DIS3L2: variants seen among roughly 807,000 people sequenced by gnomAD.
The protein encoded by DIS3L2 is DIS3 like 3'-5' exoribonuclease 2.
In DIS3L2, 34 loss-of-function variants were observed where a neutral mutation model predicts 97.5. The ratio of observed to expected loss-of-function variants is 0.35; its 90% CI spans 0.27 to 0.46. DIS3L2 has a LOEUF of 0.46. DIS3L2 is among the 20% of genes least tolerant of loss of function. The pLI, the probability that DIS3L2 is intolerant of heterozygous loss-of-function variation, is 1.00. For synonymous variants in DIS3L2, 435 were observed against 445.2 expected, an observed-to-expected ratio of 0.98 and a Z score of 0.29; for missense variants, 1,038 against 1,146.0, an observed-to-expected ratio of 0.91 and a Z score of 1.36.
chr2:232,176,878 A>G (rs1691179743), intron 9 of DIS3L2, among the ~76,000 whole-genome samples: 1 of 149,534 alleles, frequency 6.7e-6, no homozygotes, highest in Non-Finnish European at 1.5e-5. Flanking sequence ...ATATGTATAC[A>G]TGTGCCATGC....
chr2:232,262,203 C>CT (rs1292207807), intron 12 of DIS3L2, among the ~76,000 whole-genome samples: 1 of 151,894 alleles, frequency 6.6e-6, no homozygotes, highest in Non-Finnish European at 1.5e-5. Context: ...CCCAACCGCC[C>CT]TTTCTTCCAT....
intron 14 of DIS3L2, among the ~76,000 whole-genome samples, chr2:232,326,989 T>C (rs1447097145): frequency 6.6e-6 from 1 of 152,146 alleles, no homozygotes; most frequent in African/African-American, 2.4e-5. Context: ...TGGCAGGGGC[T>C]TCCACAGCGG....
intron 6 of DIS3L2, among the ~76,000 whole-genome samples, chr2:232,105,972 A>G (rs1005393648): frequency 2.0e-5 from 3 of 152,064 alleles, no homozygotes; most frequent in East Asian, 3.9e-4. Flanking sequence ...GGGCTTTTTT[A>G]TAATTCATTT....
rs1475928845 is a variant in DIS3L2, at chr2:232,263,265, A to G, written c.1484A>G (p.Glu495Gly). Reference sequence around the variant, plus strand: ...CGCTCCTGCACCAAACTTAGCTACGAGCATGCACAGAGCATGATTGAAAGC... The same window carrying G: ...CGCTCCTGCACCAAACTTAGCTACGGGCATGCACAGAGCATGATTGAAAGC... ...IIRSCTKLSY[E>G]HAQSMIESPT... Residue 495 changes from glutamate to glycine, a missense_variant, in exon 13 of 21, where the codon GAG (glutamate) becomes GGG (glycine). This residue lies in a region of DIS3L2 where 813 missense variants were observed against 880.1 expected (regional missense o/e 0.92). Coordinates refer to ENST00000325385, the MANE Select transcript of DIS3L2 (RefSeq NM_152383.5). The G allele has an allele frequency of 6.2e-7, 1 of 1,614,208 alleles. No homozygotes were observed. Among genetic ancestry groups the G allele is most frequent in the South Asian group, 1.1e-5 (1 of 91,086 alleles).
chr2:232,174,213 A>G (rs1343634906), intron 9 of DIS3L2, among the ~76,000 whole-genome samples: 2 of 152,126 alleles, frequency 1.3e-5, no homozygotes, highest in Non-Finnish European at 2.9e-5. Context: ...TCTTAATTTC[A>G]TTTCCAAATT....
At chr2:232,291,040 C>G (rs569672310) in intron 13 of DIS3L2, among the ~76,000 whole-genome samples, 2 of 152,308 alleles carry the variant, frequency 1.3e-5, no homozygotes, top group Admixed American at 1.3e-4. Flanking sequence ...CAGGTCAGAA[C>G]CAGAGCTTGG....
intron 1 of DIS3L2, among the ~76,000 whole-genome samples, chr2:231,990,083 C>G (rs1262997695): frequency 6.6e-6 from 1 of 152,154 alleles, no homozygotes; most frequent in Non-Finnish European, 1.5e-5. Context: ...AAAAGAAACC[C>G]TTTGTGTTTT....
intron 8 of DIS3L2, among the ~76,000 whole-genome samples, chr2:232,142,921 C>T (rs1439978109): frequency 6.6e-6 from 1 of 152,156 alleles, no homozygotes; most frequent in Non-Finnish European, 1.5e-5. Flanking sequence ...TATCTGTTTG[C>T]ATGGAGTTTC....
chr2:231,988,151 T>C lies in DIS3L2; in HGVS notation c.-94+26386T>C, dbSNP rs544989993. Among the ~76,000 whole-genome samples, 197 of 152,342 alleles carry C rather than the reference T, an allele frequency of 1.3e-3. 1 individual carries two copies. The highest frequency in any genetic ancestry group is 2.0e-3 in the Non-Finnish European group (133 of 68,022). On this transcript the variant is annotated intron_variant, in intron 1 of 20. Transcript: ENST00000325385. ...AGCCACCGCACCTGGCCTATTTTTC[T>C]TAGATTGTTTTCTCTGCTGTCTACC...
intron 3 of DIS3L2, 200 bp downstream of exon 3, chr2:232,015,871 A>G (rs753700148): frequency 2.1e-6 from 1 of 473,330 alleles, no homozygotes; most frequent in Non-Finnish European, 3.6e-6. Context: ...AATAAGCACC[A>G]CAAGACAGGA....
chr2:232,107,073 A>G (rs1034577466), intron 6 of DIS3L2, among the ~76,000 whole-genome samples: 4 of 152,222 alleles, frequency 2.6e-5, no homozygotes, highest in African/African-American at 4.8e-5. Flanking sequence ...CAAAGATACA[A>G]TGATCCAGTA....
chr2:232,154,860 G>A (rs796473774), intron 8 of DIS3L2, among the ~76,000 whole-genome samples: 4 of 56,626 alleles, frequency 7.1e-5, no homozygotes, highest in African/African-American at 1.6e-4. Context: ...GCGAGATTCC[G>A]TGGGCGTAGG....
At chr2:232,215,642 C>T (rs548115464) in intron 10 of DIS3L2, among the ~76,000 whole-genome samples, 3 of 152,284 alleles carry the variant, frequency 2.0e-5, no homozygotes, top group Admixed American at 1.3e-4. Context: ...CTCTCTGGCT[C>T]CCCAAATGGC....
intron 5 of DIS3L2, among the ~76,000 whole-genome samples, chr2:232,083,023 A>G (rs1696450306): frequency 2.0e-5 from 3 of 152,210 alleles, no homozygotes; most frequent in South Asian, 4.1e-4. Context: ...CCATCAGATC[A>G]TGTGAGACTT....
chr2:232,261,246 G>C (rs922789084), intron 12 of DIS3L2, among the ~76,000 whole-genome samples: 5 of 152,084 alleles, frequency 3.3e-5, no homozygotes, highest in East Asian at 1.9e-4. Flanking sequence ...GGCTTCCTCT[G>C]TCCAGGATGG....
In DIS3L2 at chr2:232,329,821, A is replaced by AACAT; in HGVS notation, c.1748_1749insACAT (p.Glu584HisfsTer38). 2.2e-6 allele frequency: 1 copy of AACAT among 447,486 alleles called. No individual in the cohort carries two copies. Among genetic ancestry groups the AACAT allele is most frequent in the South Asian group, 1.9e-5 (1 of 53,336 alleles). 27.7% of individuals were successfully genotyped at this position (447,486 alleles called of 1,614,324 possible). A position where few individuals can be genotyped will look rare whatever the true frequency, so the allele number is the denominator to read the frequency against. On this transcript the variant is annotated frameshift_variant, in exon 15 of 21. Coordinates refer to ENST00000325385, the MANE Select transcript of DIS3L2 (RefSeq NM_152383.5). LOFTEE classifies it high-confidence loss of function. ...CCACCCACCCTCTGCAGGCTCGTGG[A>AACAT]GGAGTTCATGCTCTTGGCCAACATG...
At position 232,336,300 on chromosome 2, in the gene DIS3L2, C is replaced by T. The variant is rs781502944; in HGVS notation, c.2497-169C>T. The T allele has an allele frequency of 9.7e-6, 15 of 1,547,256 alleles. No individual in the cohort carries two copies. In the African/African-American group the frequency reaches 1.8e-4, roughly 18 times the overall value. On this transcript the variant is annotated intron_variant, in intron 20 of 20. Coordinates refer to ENST00000325385, the MANE Select transcript of DIS3L2 (RefSeq NM_152383.5). The stretch of plus-strand genomic sequence containing the variant: ...GATGCATCTGACTCCCCAACTCTGC[C>T]CTGACCCAGGGCATTCTTCCTGGAG...
At chr2:232,173,709 A>G (rs539481260) in intron 9 of DIS3L2, among the ~76,000 whole-genome samples, 296 of 152,254 alleles carry the variant, frequency 1.9e-3, no homozygotes, top group African/African-American at 6.7e-3. Flanking sequence ...TTTCTTCATG[A>G]AATTGTCTTG....
intron 6 of DIS3L2, among the ~76,000 whole-genome samples, chr2:232,113,087 C>T (rs11690476): frequency 0.011 from 1,716 of 152,118 alleles, 17 homozygotes; most frequent in Non-Finnish European, 0.016. Flanking sequence ...AAGAGTCATC[C>T]AAGGTTGTTA....
Sources: gnomAD v4.1 joint callset for allele counts (sites outside exome capture counted in the v4.1 genomes callset) on GRCh38, gnomAD v4.1.1 for gene constraint, gnomAD v4.1.1 regional missense constraint, MANE v1.5 for transcripts, NCBI Gene and HGNC (gene_info 2026-07-23, HGNC 2026-07-21) for gene names.